Variants in TBC1D5 observed in about 807,000 individuals in gnomAD.
TBC1D5 encodes TBC1 domain family member 5.
Under a neutral mutation model 100.3 loss-of-function variants are expected in TBC1D5, and 75 were observed. The observed-to-expected ratio is 0.75, with a 90% CI of 0.62 to 0.91. The LOEUF is 0.91. Ranked by LOEUF, TBC1D5 falls within the 40% of genes least tolerant of loss-of-function variation. TBC1D5 has a pLI of 0.00. For synonymous variants in TBC1D5, 323 were observed against 325.6 expected, an observed-to-expected ratio of 0.99 and a Z score of 0.09; for missense variants, 910 against 942.4, an observed-to-expected ratio of 0.97 and a Z score of 0.45.
intron 1 of TBC1D5, among the ~76,000 whole-genome samples, chr3:17,649,269 T>A (rs1338433416): frequency 6.6e-6 from 1 of 152,074 alleles, no homozygotes; most frequent in Non-Finnish European, 1.5e-5. Context: ...TGGGGCTAAA[T>A]GATAACTTAT....
chr3:17,326,047 A>G (rs2086091676), intron 13 of TBC1D5, among the ~76,000 whole-genome samples: 1 of 152,200 alleles, frequency 6.6e-6, no homozygotes, highest in Non-Finnish European at 1.5e-5. Context: ...GACTGTACTC[A>G]TCTCATAGAG....
rs181944071 is a variant in TBC1D5, at chr3:17,219,841, T to C, written c.1589-5471A>G. Among the ~76,000 whole-genome samples the C allele has an allele frequency of 3.5e-3, 535 of 152,164 alleles. 4 individuals are homozygous for C. Among genetic ancestry groups the C allele is most frequent in the African/African-American group, 0.012 (497 of 41,534 alleles). On this transcript the variant is annotated intron_variant, in intron 17 of 21. Coordinates refer to ENST00000253692, the Ensembl canonical transcript of TBC1D5. ...CCTTGATGTCATCCTTTGGTTAACT[T>C]CCAGAGTTCTGAAAAAGTTTATTTT...
chr3:17,535,899 A>C (rs1219135552), intron 2 of TBC1D5, among the ~76,000 whole-genome samples: 13 of 152,180 alleles, frequency 8.5e-5, no homozygotes, highest in Non-Finnish European at 1.9e-4. Flanking sequence ...CCAAAAAAAA[A>C]TCATAAATTT....
intron 2 of TBC1D5, among the ~76,000 whole-genome samples, chr3:17,544,871 G>C (rs1029382589): frequency 1.3e-5 from 2 of 152,082 alleles, no homozygotes; most frequent in Admixed American, 1.3e-4. Context: ...TTTAGATACA[G>C]TAAACTAATC....
At chr3:17,710,255 G>C (rs1306331427) in intron 1 of TBC1D5, among the ~76,000 whole-genome samples, 2 of 152,048 alleles carry the variant, frequency 1.3e-5, no homozygotes, top group East Asian at 3.9e-4. Context: ...GAAAGACACA[G>C]ATTAATCTAA....
At chr3:17,394,777 T>C (rs938350060) in intron 8 of TBC1D5, among the ~76,000 whole-genome samples, 1 of 151,854 alleles carries the variant, frequency 6.6e-6, no homozygotes, top group Non-Finnish European at 1.5e-5. Context: ...AACCAAACCT[T>C]TGAGGAAAAT....
At chr3:17,409,547 T>G (rs1283660066) in intron 4 of TBC1D5, among the ~76,000 whole-genome samples, 1 of 152,048 alleles carries the variant, frequency 6.6e-6, no homozygotes, top group African/African-American at 2.4e-5. Flanking sequence ...GACCAAAAGC[T>G]TGGTCTCTTG....
intron 9 of TBC1D5, among the ~76,000 whole-genome samples, chr3:17,376,854 T>C (rs558584964): frequency 4.9e-4 from 75 of 152,254 alleles, no homozygotes; most frequent in African/African-American, 1.7e-3. Context: ...CTCTTTTAAA[T>C]GACATGACAA....
chr3:17,224,609 T>G (rs1043448582), intron 17 of TBC1D5, among the ~76,000 whole-genome samples: 1 of 152,166 alleles, frequency 6.6e-6, no homozygotes, highest in African/African-American at 2.4e-5. Context: ...AACAGTCAAA[T>G]TTTTCATACA....
chr3:17,395,812 T>G (rs1376580628), intron 8 of TBC1D5, among the ~76,000 whole-genome samples: 1 of 152,142 alleles, frequency 6.6e-6, no homozygotes, highest in Non-Finnish European at 1.5e-5. Flanking sequence ...AAATTTAAGT[T>G]TTTAAAAATC....
intron 4 of TBC1D5, among the ~76,000 whole-genome samples, chr3:17,416,826 T>A (rs1246517739): frequency 6.6e-6 from 1 of 152,136 alleles, no homozygotes; most frequent in African/African-American, 2.4e-5. Flanking sequence ...GACAGGGTCA[T>A]TTCTATTGGT....
rs2095005203 is a variant in TBC1D5 at position 17,454,480 on chromosome 3, G to C, written c.98-25961C>G. 3.3e-5 allele frequency among the ~76,000 whole-genome samples: 5 copies of C among 151,776 alleles called. No homozygotes were observed. The South Asian group carries it at 1.0e-3, about 32-fold the overall frequency. ...AGCATCTTTTTTCTTTTTTTTCTGA[G>C]ATGGAGTCTCGCTCTGTCACCCAGG... On this transcript the variant is annotated intron_variant, in intron 3 of 21. Coordinates refer to ENST00000253692, the Ensembl canonical transcript of TBC1D5.
chr3:17,640,600 T>C (rs1478679506), intron 1 of TBC1D5, among the ~76,000 whole-genome samples: 1 of 152,000 alleles, frequency 6.6e-6, no homozygotes, highest in Non-Finnish European at 1.5e-5. Flanking sequence ...ATTTAGTCAT[T>C]ATACCTTTTT....
intron 2 of TBC1D5, among the ~76,000 whole-genome samples, chr3:17,618,641 C>T (rs1208187654): frequency 1.3e-5 from 2 of 152,228 alleles, no homozygotes; most frequent in African/African-American, 2.4e-5. Flanking sequence ...GCTGCACCCT[C>T]GTTGTTAGAT....
intron 3 of TBC1D5, among the ~76,000 whole-genome samples, chr3:17,505,382 G>T (rs1324088172): frequency 1.3e-5 from 2 of 152,134 alleles, no homozygotes; most frequent in Non-Finnish European, 2.9e-5. Flanking sequence ...ATGATTGGAA[G>T]CTTCCTAAGG....
At chr3:17,469,509 GA>G (rs375335378) in intron 3 of TBC1D5, among the ~76,000 whole-genome samples, 2,453 of 126,546 alleles carry the variant, frequency 0.019, 57 homozygotes, top group Admixed American at 0.084. Flanking sequence ...ACATGCACAA[GA>G]AAAAAAAAAA....
chr3:17,523,965 A>G (rs2096095592), intron 2 of TBC1D5, among the ~76,000 whole-genome samples: 1 of 152,166 alleles, frequency 6.6e-6, no homozygotes. Flanking sequence ...AAGACTTTTT[A>G]GGGGTGCAAT....
At chr3:17,345,561 C>G (rs1263923504) in intron 13 of TBC1D5, among the ~76,000 whole-genome samples, 1 of 152,014 alleles carries the variant, frequency 6.6e-6, no homozygotes, top group East Asian at 1.9e-4. Flanking sequence ...CCAGCCATCC[C>G]ATTACTGAGT....
rs531374627 is a variant in TBC1D5 at position 17,580,647 on chromosome 3, C to A, written c.-36+43202G>T. Among the ~76,000 whole-genome samples the A allele has an allele frequency of 6.6e-5, 10 of 152,190 alleles. No individual in the cohort carries two copies. The East Asian group carries it at 7.7e-4, about 12-fold the overall frequency. ...CTCCCATTAGTATGCTATTTCTCTC[C>A]TATTTAAAAAAATCCTCTCTTCACT... is the stretch of plus-strand genomic sequence containing the variant. On this transcript the variant is annotated intron_variant, in intron 2 of 21. Coordinates refer to ENST00000253692, the Ensembl canonical transcript of TBC1D5.
Sources: gnomAD v4.1 joint callset for allele counts (sites outside exome capture counted in the v4.1 genomes callset) on GRCh38, gnomAD v4.1.1 for gene constraint, MANE v1.5 for transcripts, NCBI Gene and HGNC (gene_info 2026-07-23, HGNC 2026-07-21) for gene names.